The following TANC2 variants were observed in gnomAD, a reference collection of about 807,000 sequenced individuals.
TANC2 encodes protein TANC2.
In TANC2, 26 loss-of-function variants were observed where a neutral mutation model predicts 210.5. The ratio of observed to expected loss-of-function variants is 0.12; its 90% CI spans 0.09 to 0.17. The LOEUF (loss-of-function observed/expected upper bound fraction) is 0.17. Among genes scored for constraint, TANC2 ranks in the 10% least tolerant of loss-of-function variants. The pLI is 1.00. For missense variants in TANC2, 2,129 were observed against 2,608.9 expected, an observed-to-expected ratio of 0.82 and a Z score of 4.01; for synonymous variants, 931 against 967.1, an observed-to-expected ratio of 0.96 and a Z score of 0.69.
chr17:63,151,818 G>A (rs2039662322), intron 5 of TANC2: 1 of 152,186 alleles, frequency 6.6e-6, no homozygotes, highest in South Asian at 2.1e-4. Context: ...GATTTCTGGT[G>A]ATTATAGAAA....
Position 63,101,806 on chromosome 17 carries a change from AGAG to A in TANC2, c.322+2450_322+2452del, listed in dbSNP as rs572074534. On this transcript the variant is annotated intron_variant, in intron 4 of 27. Coordinates refer to ENST00000689528, the Ensembl canonical transcript of TANC2. ...GTTTCCTTCTATGGAATGACTGGGG[AGAG>A]TCAAAGGAGGAGATAATTGAGCTGA... Among the ~76,000 whole-genome samples, 280 of 152,308 alleles carry A rather than the reference AGAG, an allele frequency of 1.8e-3. 1 individual carries two copies. Among genetic ancestry groups the A allele is most frequent in the African/African-American group, 6.4e-3 (267 of 41,574 alleles).
At chr17:63,001,247 A>T (rs2033365897) in intron 1 of TANC2, among the ~76,000 whole-genome samples, 1 of 152,194 alleles carries the variant, frequency 6.6e-6, no homozygotes. Context: ...TCCCTCAGAT[A>T]AAATTTTGAA....
chr17:63,139,777 G>T (rs180676376), intron 4 of TANC2, among the ~76,000 whole-genome samples: 1 of 152,126 alleles, frequency 6.6e-6, no homozygotes, highest in Admixed American at 6.6e-5. Flanking sequence ...GGTGGCATGC[G>T]CCTGTAACGC....
chr17:63,277,696 A>G (rs542757318), intron 9 of TANC2, among the ~76,000 whole-genome samples: 2 of 152,286 alleles, frequency 1.3e-5, no homozygotes, highest in East Asian at 1.9e-4. Flanking sequence ...CAGATGGACA[A>G]TGAAATGGAA....
At chr17:63,316,182 T>C (rs1417845234) in intron 10 of TANC2, among the ~76,000 whole-genome samples, 2 of 152,236 alleles carry the variant, frequency 1.3e-5, no homozygotes, top group Non-Finnish European at 2.9e-5. Context: ...AAAGTAACTT[T>C]CCACACTATT....
chr17:63,195,555 T>C (rs1023320812), intron 6 of TANC2, among the ~76,000 whole-genome samples: 1 of 152,316 alleles, frequency 6.6e-6, no homozygotes, highest in East Asian at 1.9e-4. Context: ...GGTACTAGAA[T>C]GTAAGGCTGG....
intron 8 of TANC2, among the ~76,000 whole-genome samples, chr17:63,244,221 A>G (rs1392495699): frequency 6.6e-6 from 1 of 152,180 alleles, no homozygotes; most frequent in African/African-American, 2.4e-5. Context: ...AAATGTCTTG[A>G]TCACCCCAGA....
intron 9 of TANC2, among the ~76,000 whole-genome samples, chr17:63,305,050 G>C (rs2044854653): frequency 6.6e-6 from 1 of 152,208 alleles, no homozygotes; most frequent in South Asian, 2.1e-4. Context: ...CCTTCCCCAA[G>C]GAGCTCAGAT....
intron 5 of TANC2, among the ~76,000 whole-genome samples, chr17:63,155,539 G>T (rs1023581427): frequency 1.2e-4 from 19 of 152,228 alleles, no homozygotes; most frequent in African/African-American, 4.6e-4. Flanking sequence ...GATAATGGTA[G>T]GCCAAGTTGA....
chr17:63,130,634 C>T (rs1344037710), intron 4 of TANC2, among the ~76,000 whole-genome samples: 1 of 152,088 alleles, frequency 6.6e-6, no homozygotes, highest in Non-Finnish European at 1.5e-5. Flanking sequence ...TGCATATTTA[C>T]ATTTCAAGGG....
At chr17:63,389,469 C>T (rs768134141) in exon 17 of TANC2, 1 of 1,613,822 alleles carries the variant, frequency 6.2e-7, no homozygotes, top group Non-Finnish European at 8.5e-7. Flanking sequence ...CTGAAAGTGG[C>T]CTGACTCCCC....
intron 11 of TANC2, chr17:63,320,584 A>G (rs1382469168): frequency 1.3e-5 from 2 of 152,204 alleles, no homozygotes; most frequent in African/African-American, 2.4e-5. Flanking sequence ...TTTGTTTGAC[A>G]CAGTATATCA....
chr17:63,204,411 A>C, intron 7 of TANC2, among the ~76,000 whole-genome samples: 1 of 149,718 alleles, frequency 6.7e-6, no homozygotes, highest in Non-Finnish European at 1.5e-5. Flanking sequence ...AATATTTATC[A>C]AAGCCATCTA....
At chr17:63,268,757 A>G (rs1378320998) in intron 9 of TANC2, among the ~76,000 whole-genome samples, 2 of 152,142 alleles carry the variant, frequency 1.3e-5, no homozygotes, top group African/African-American at 4.8e-5. Context: ...TCTTTGTGGC[A>G]TGCTACATGC....
intron 9 of TANC2, among the ~76,000 whole-genome samples, chr17:63,276,621 T>G (rs963909785): frequency 6.6e-6 from 1 of 152,088 alleles, no homozygotes; most frequent in Non-Finnish European, 1.5e-5. Flanking sequence ...AAGCTGAAAT[T>G]TAATATGGAA....
chr17:63,067,247 C>T (rs2036234287), intron 2 of TANC2, among the ~76,000 whole-genome samples: 1 of 151,994 alleles, frequency 6.6e-6, no homozygotes, highest in Non-Finnish European at 1.5e-5. Flanking sequence ...TAGCAATTTG[C>T]AAGGGAAAAG....
intron 12 of TANC2, among the ~76,000 whole-genome samples, chr17:63,346,870 T>G (rs1755860772): frequency 6.6e-6 from 1 of 151,116 alleles, no homozygotes; most frequent in Non-Finnish European, 1.5e-5. Context: ...CATACCTGGC[T>G]AATTTTTTTT....
intron 14 of TANC2, among the ~76,000 whole-genome samples, chr17:63,361,675 CCTT>C (rs1567953179): frequency 6.6e-6 from 1 of 152,242 alleles, no homozygotes; most frequent in African/African-American, 2.4e-5. Flanking sequence ...GCTCTTCTCT[CCTT>C]CTCATCGTCC....
intron 8 of TANC2, among the ~76,000 whole-genome samples, chr17:63,245,784 A>G (rs958516772): frequency 4.6e-5 from 7 of 150,836 alleles, no homozygotes; most frequent in African/African-American, 1.7e-4. Context: ...TGGAGGTTGC[A>G]GTGAGCTGAG....
Sources: allele counts gnomAD v4.1 joint callset (sites outside exome capture counted in the v4.1 genomes callset), GRCh38; gene constraint gnomAD v4.1.1; transcripts MANE v1.5; gene names NCBI Gene and HGNC (gene_info 2026-07-23, HGNC 2026-07-21).